Variants in NWD2 observed in about 807,000 individuals in gnomAD.
NWD2 encodes NACHT and WD repeat domain containing 2.
Under a neutral mutation model 132.7 loss-of-function variants are expected in NWD2, and 37 were observed. The observed-to-expected ratio is 0.28, with a 90% CI of 0.21 to 0.37. The LOEUF (loss-of-function observed/expected upper bound fraction) is 0.37. Among genes scored for constraint, NWD2 ranks in the 10% least tolerant of loss-of-function variants. The probability of loss-of-function intolerance (pLI) is 1.00; values close to 1 mark genes in which losing one functional copy is unlikely to be tolerated. For synonymous variants in NWD2, 705 were observed against 803.0 expected, an observed-to-expected ratio of 0.88 and a Z score of 2.06; for missense variants, 1,592 against 2,122.4, an observed-to-expected ratio of 0.75 and a Z score of 4.91.
intron 5 of NWD2, among the ~76,000 whole-genome samples, chr4:37,438,204 T>C (rs1577702646): frequency 6.7e-6 from 1 of 149,834 alleles, no homozygotes; most frequent in Non-Finnish European, 1.5e-5. Flanking sequence ...GAGCTTGCAG[T>C]GAGCCGAGAT....
chr4:37,276,377 G>C (rs1394212597), intron 1 of NWD2, among the ~76,000 whole-genome samples: 7 of 152,116 alleles, frequency 4.6e-5, no homozygotes, highest in Non-Finnish European at 7.4e-5. Context: ...AAATGCAAAT[G>C]AAAACCACAA....
At chr4:37,245,345 C>A in intron 1 of NWD2, 127 bp downstream of exon 1, 1 of 1,128,614 alleles carries the variant, frequency 8.9e-7, no homozygotes, top group Non-Finnish European at 1.2e-6. Flanking sequence ...AAGCCGTGGC[C>A]GCCCTGAGCG....
intron 3 of NWD2, among the ~76,000 whole-genome samples, chr4:37,359,901 C>T (rs1175421231): frequency 6.6e-6 from 1 of 152,112 alleles, no homozygotes; most frequent in African/African-American, 2.4e-5. Context: ...AGTGAGGGAG[C>T]CTGGACATGT....
chr4:37,382,896 G>A (rs1270044816), intron 3 of NWD2, among the ~76,000 whole-genome samples: 1 of 151,762 alleles, frequency 6.6e-6, no homozygotes, highest in Non-Finnish European at 1.5e-5. Flanking sequence ...GTTTCACCAT[G>A]TTGCCAAGGC....
chr4:37,408,647 G>A (rs1721093505), intron 3 of NWD2, among the ~76,000 whole-genome samples: 1 of 152,210 alleles, frequency 6.6e-6, no homozygotes, highest in African/African-American at 2.4e-5. Context: ...GAAGAGAGCA[G>A]CAGACCTCCC....
intron 2 of NWD2, among the ~76,000 whole-genome samples, chr4:37,353,141 G>A (rs1016587395): frequency 2.0e-5 from 3 of 152,088 alleles, no homozygotes; most frequent in African/African-American, 7.2e-5. Flanking sequence ...TGAAATTCTG[G>A]GTTGAAAATT....
In NWD2 at chr4:37,445,117, C is replaced by T. The variant is rs1712597517; in HGVS notation, c.3129C>T (p.Leu1043=). The T allele has an allele frequency of 2.6e-6, 4 of 1,552,018 alleles. No individual in the cohort carries two copies. Among genetic ancestry groups the T allele is most frequent in the Non-Finnish European group, 3.5e-6 (4 of 1,147,090 alleles). Reference sequence around the variant, plus strand: ...TTTATGACAATGTCAATTCTTGCCTCCTGTCTGAAGTAGAAATCAAGGGGA... The same window carrying T: ...TTTATGACAATGTCAATTCTTGCCTTCTGTCTGAAGTAGAAATCAAGGGGA... The part of the protein sequence containing the change: ...LLIYDNVNSC[L]LSEVEIKGTK... Residue 1043 remains leucine, a synonymous_variant, in exon 7 of 7, where the codon CTC becomes CTT. Transcript: ENST00000309447. The surrounding 1 kb of genome is among the most constrained non-coding windows in gnomAD (Gnocchi z 4.7).
At chr4:37,381,821 A>G (rs1379602151) in intron 3 of NWD2, among the ~76,000 whole-genome samples, 1 of 152,246 alleles carries the variant, frequency 6.6e-6, no homozygotes, top group Non-Finnish European at 1.5e-5. Flanking sequence ...AAAGGGAGAA[A>G]TTAAAGTTTA....
At chr4:37,314,050 C>T (rs190686735) in intron 1 of NWD2, among the ~76,000 whole-genome samples, 1 of 152,166 alleles carries the variant, frequency 6.6e-6, no homozygotes, top group Admixed American at 6.5e-5. Context: ...GCTTTTTCTG[C>T]GTCTATTGAG....
At chr4:37,268,209 G>T (rs1007031736) in intron 1 of NWD2, among the ~76,000 whole-genome samples, 2 of 151,816 alleles carry the variant, frequency 1.3e-5, no homozygotes, top group African/African-American at 2.4e-5. Context: ...CTTGTATCCT[G>T]TTTTTACACA....
In NWD2 at chr4:37,384,963, G is replaced by A. The variant is rs529860247; in HGVS notation, c.357+28481G>A. ...TAGAAGCCAATGGTAATTAGCACAC[G>A]TTGCTGATTACCCTGATTTGATCAT... On this transcript the variant is annotated intron_variant, in intron 3 of 6. Coordinates refer to ENST00000309447, the MANE Select transcript of NWD2 (RefSeq NM_001144990.2). 4.6e-5 allele frequency among the ~76,000 whole-genome samples: 7 copies of A among 152,260 alleles called. No individual in the cohort carries two copies. In the East Asian group the frequency reaches 5.8e-4, roughly 13 times the overall value.
intron 3 of NWD2, among the ~76,000 whole-genome samples, chr4:37,395,055 C>T (rs1229209714): frequency 6.6e-6 from 1 of 151,666 alleles, no homozygotes; most frequent in East Asian, 1.9e-4. Flanking sequence ...TCAAGTGATC[C>T]ACCCGCCCCC....
chr4:37,326,286 T>C (rs73130329), intron 2 of NWD2, among the ~76,000 whole-genome samples: 17,351 of 152,162 alleles, frequency 0.11, 1,091 homozygotes, highest in East Asian at 0.2. Flanking sequence ...TTTGCTTTTT[T>C]GACGGTCTCC....
intron 3 of NWD2, among the ~76,000 whole-genome samples, chr4:37,428,676 G>A (rs1479755): frequency 0.082 from 12,420 of 152,208 alleles, 1,026 homozygotes; most frequent in African/African-American, 0.2. Context: ...AACTACTGGC[G>A]TAAGCAGACA....
At chr4:37,361,711 ACAT>A (rs1401454788) in intron 3 of NWD2, among the ~76,000 whole-genome samples, 1 of 152,152 alleles carries the variant, frequency 6.6e-6, no homozygotes, top group East Asian at 1.9e-4. Flanking sequence ...CCCACAACCA[ACAT>A]CATGCTGAAG....
At chr4:37,400,171 C>A (rs1269120457) in intron 3 of NWD2, among the ~76,000 whole-genome samples, 1 of 152,210 alleles carries the variant, frequency 6.6e-6, no homozygotes, top group Non-Finnish European at 1.5e-5. Context: ...TGCCTTCCCA[C>A]CCATTCTAAT....
Position 37,444,136 on chromosome 4 carries a change from T to C in NWD2, c.2148T>C (p.Ser716=). 2 of 1,551,678 alleles carry C rather than the reference T, an allele frequency of 1.3e-6. No individual in the cohort carries two copies. The highest frequency in any genetic ancestry group is 1.7e-6 in the Non-Finnish European group (2 of 1,146,990). The change falls in exon 7 of 7, where the codon AGT becomes AGC. Residue 716 remains serine (S), a synonymous_variant. Transcript: ENST00000309447. The surrounding 1 kb of genome is among the most constrained non-coding windows in gnomAD (Gnocchi z 4.8). ...LYIARLKEGL[S]GYLIERHVKN... is the part of the protein sequence containing the mutation. Reference sequence around the variant, plus strand: ...TTGCAAGGCTCAAGGAGGGTCTCAGTGGATACCTAATAGAAAGACATGTGA... The same window carrying C: ...TTGCAAGGCTCAAGGAGGGTCTCAGCGGATACCTAATAGAAAGACATGTGA...
chr4:37,426,312 A>G (rs1325698370), intron 3 of NWD2, among the ~76,000 whole-genome samples: 1 of 152,228 alleles, frequency 6.6e-6, no homozygotes, highest in African/African-American at 2.4e-5. Flanking sequence ...ATCAATAGAG[A>G]GAAGGAAAAG....
At chr4:37,356,189 T>C (rs1168953225) in intron 2 of NWD2, among the ~76,000 whole-genome samples, 177 bp from the exon 3 acceptor site, 2 of 152,140 alleles carry the variant, frequency 1.3e-5, no homozygotes, top group Non-Finnish European at 2.9e-5. Flanking sequence ...AATTATAAGG[T>C]TCATTCCCAA....
Sources: gnomAD v4.1 joint callset for allele counts (sites outside exome capture counted in the v4.1 genomes callset) on GRCh38, gnomAD v4.1.1 for gene constraint, Gnocchi (gnomAD v3.1) non-coding constraint, MANE v1.5 for transcripts, NCBI Gene and HGNC (gene_info 2026-07-23, HGNC 2026-07-21) for gene names.